The following ABCA10 variants were observed in gnomAD, a reference collection of about 807,000 sequenced individuals.
ABCA10 encodes the protein ATP binding cassette subfamily A member 10.
In ABCA10, 169 loss-of-function variants were observed where a neutral mutation model predicts 187.5. That is an observed-to-expected ratio of 0.90 (90% CI 0.80 to 1.02). The LOEUF is 1.02. Ranked by LOEUF, ABCA10 falls within the 50% of genes least tolerant of loss-of-function variation. ABCA10 has a pLI of 0.00. For synonymous variants in ABCA10, 574 were observed against 601.8 expected, an observed-to-expected ratio of 0.95 and a Z score of 0.68; for missense variants, 1,727 against 1,812.4, an observed-to-expected ratio of 0.95 and a Z score of 0.86.
intron 27 of ABCA10, among the ~76,000 whole-genome samples, chr17:69,158,011 G>A (rs192702672): frequency 1.3e-5 from 2 of 151,966 alleles, no homozygotes; most frequent in African/African-American, 4.8e-5. Flanking sequence ...GAGGCTCACA[G>A]GCTTTGAGAA....
At chr17:69,199,075 C>G (rs1203891923) in intron 10 of ABCA10, among the ~76,000 whole-genome samples, 1 of 152,180 alleles carries the variant, frequency 6.6e-6, no homozygotes, top group South Asian at 2.1e-4. Context: ...TCTTGCTCTA[C>G]TAGGTGGCTT....
At chr17:69,243,987 T>C (rs115926511) in intron 1 of ABCA10, among the ~76,000 whole-genome samples, 65 of 152,324 alleles carry the variant, frequency 4.3e-4, no homozygotes, top group African/African-American at 1.6e-3. Context: ...AAGAGTTGTT[T>C]AGGCACTTGG....
At chr17:69,178,950 A>G (rs1204629260) in intron 22 of ABCA10, 1 of 152,138 alleles carries the variant, frequency 6.6e-6, no homozygotes, top group African/African-American at 2.4e-5. Flanking sequence ...ACAATTTAAT[A>G]TCCAAATTGC....
Position 69,153,734 on chromosome 17 carries a change from T to G in ABCA10, c.3965+97A>C, listed in dbSNP as rs566725069. On this transcript the variant is annotated intron_variant, in intron 32 of 38. Coordinates refer to ENST00000690296, the MANE Select transcript of ABCA10 (RefSeq NM_001377321.1). ...TGAATCATTTTATTTGCATGAAAAT[T>G]TAAAGACATTGTTTATAATTTCCTT... 2.3e-4 allele frequency: 342 copies of G among 1,481,550 alleles called. 1 individual carries two copies. The highest frequency in any genetic ancestry group is 1.5e-4 in the Non-Finnish European group (165 of 1,104,696). The allele number at this position is 1,481,550 out of a possible 1,614,324, so 91.8% of individuals were successfully genotyped here. A position where few individuals can be genotyped will look rare whatever the true frequency, so the allele number is the denominator to read the frequency against.
intron 11 of ABCA10, among the ~76,000 whole-genome samples, chr17:69,196,860 A>G (rs534348934): frequency 6.6e-6 from 1 of 152,168 alleles, no homozygotes; most frequent in Non-Finnish European, 1.5e-5. Flanking sequence ...AAAAAATACG[A>G]AAACCAGTCA....
chr17:69,195,332 C>T (rs922653284), intron 11 of ABCA10, among the ~76,000 whole-genome samples: 7 of 151,676 alleles, frequency 4.6e-5, no homozygotes, highest in African/African-American at 1.7e-4. Flanking sequence ...GATTATAAAC[C>T]GGTATAAACA....
intron 18 of ABCA10, 126 bp downstream of exon 18, chr17:69,190,232 C>A: frequency 9.3e-7 from 1 of 1,078,714 alleles, no homozygotes; most frequent in Non-Finnish European, 1.2e-6. Flanking sequence ...GTGGACAATG[C>A]TATTTTCTAT....
intron 27 of ABCA10, among the ~76,000 whole-genome samples, chr17:69,160,031 T>C (rs766189514): frequency 2.0e-5 from 3 of 152,020 alleles, no homozygotes; most frequent in East Asian, 1.9e-4. Flanking sequence ...CCTAAAACTA[T>C]AAAACTCATA....
intron 25 of ABCA10, among the ~76,000 whole-genome samples, chr17:69,168,335 G>A (rs1184863224): frequency 6.6e-6 from 1 of 152,034 alleles, no homozygotes; most frequent in African/African-American, 2.4e-5. Flanking sequence ...AATATATTTT[G>A]ATTTGAACAG....
At chr17:69,158,760 T>A (rs1222555118) in intron 27 of ABCA10, among the ~76,000 whole-genome samples, 2 of 152,032 alleles carry the variant, frequency 1.3e-5, no homozygotes, top group African/African-American at 4.8e-5. Context: ...TGATAGGACA[T>A]ATGTATCATT....
chr17:69,235,759 T>C (rs1435034364), intron 1 of ABCA10, among the ~76,000 whole-genome samples: 1 of 151,042 alleles, frequency 6.6e-6, no homozygotes, highest in Non-Finnish European at 1.5e-5. Flanking sequence ...GTATCTCTCA[T>C]GGTTACTGAG....
Position 69,155,931 on chromosome 17 carries a change from G to A in ABCA10, c.3456-6C>T. 1 of 1,608,894 alleles carries A rather than the reference G, an allele frequency of 6.2e-7. No individual in the cohort carries two copies. Reference sequence around the variant, plus strand: ...CTCTACTCCGTGGAGAGATTCTACAGAGGAAATAAAATAACATAAAAATGC... The same window carrying A: ...CTCTACTCCGTGGAGAGATTCTACAAAGGAAATAAAATAACATAAAAATGC... On this transcript the variant is annotated splice_polypyrimidine_tract_variant and splice_region_variant and intron_variant, in intron 28 of 38. Coordinates refer to ENST00000690296, the MANE Select transcript of ABCA10 (RefSeq NM_001377321.1).
At chr17:69,222,141 G>A (rs1015239471) in intron 4 of ABCA10, among the ~76,000 whole-genome samples, 3 of 151,994 alleles carry the variant, frequency 2.0e-5, no homozygotes, top group African/African-American at 4.8e-5. Flanking sequence ...GATCATTTGA[G>A]GTCAGGAGTT....
At chr17:69,242,711 T>A (rs1478613366) in intron 1 of ABCA10, among the ~76,000 whole-genome samples, 2 of 152,096 alleles carry the variant, frequency 1.3e-5, no homozygotes, top group Non-Finnish European at 2.9e-5. Context: ...CCTCCCAAAG[T>A]GCTGGGATTA....
At chr17:69,182,467 T>A (rs2074387209) in intron 21 of ABCA10, among the ~76,000 whole-genome samples, 177 bp from the exon 22 acceptor site, 1 of 152,190 alleles carries the variant, frequency 6.6e-6, no homozygotes, top group Admixed American at 6.5e-5. Flanking sequence ...TTCAAGTGAC[T>A]TGTTTTGTAA....
At chr17:69,222,796 T>C in intron 3 of ABCA10, 99 bp from the exon 4 acceptor site, 1 of 1,092,860 alleles carries the variant, frequency 9.2e-7, no homozygotes, top group South Asian at 2.2e-5. Flanking sequence ...AAATTAGTGG[T>C]ATTATATATT....
chr17:69,203,492 C>T (rs1244670928), intron 9 of ABCA10, among the ~76,000 whole-genome samples: 6 of 152,134 alleles, frequency 3.9e-5, no homozygotes, highest in Middle Eastern at 3.2e-3. Context: ...CCTCTCACTT[C>T]CCCCAACTTC....
At chr17:69,204,914 AGGCCAGGAGTTTGAGACCAGCCT>A (rs1325892085) in intron 9 of ABCA10, among the ~76,000 whole-genome samples, 2 of 152,250 alleles carry the variant, frequency 1.3e-5, no homozygotes, top group African/African-American at 4.8e-5. Context: ...AAATGGCTTG[AGGCCAGGAGTTTGAGACCAGCCT>A]GGATAACATG....
chr17:69,214,238 G>A (rs768577234), intron 9 of ABCA10, among the ~76,000 whole-genome samples: 50 of 152,268 alleles, frequency 3.3e-4, no homozygotes, highest in Admixed American at 1.2e-3. Flanking sequence ...CAGTTCGGCC[G>A]GGCGCGGTGG....
Sources: gnomAD v4.1 joint callset for allele counts (sites outside exome capture counted in the v4.1 genomes callset) on GRCh38, gnomAD v4.1.1 for gene constraint, MANE v1.5 for transcripts, NCBI Gene and HGNC (gene_info 2026-07-23, HGNC 2026-07-21) for gene names.